AGBL4: variants seen among roughly 807,000 people sequenced by gnomAD.
AGBL4 encodes the protein cytosolic carboxypeptidase 6.
In AGBL4, 58 loss-of-function variants were observed where a neutral mutation model predicts 66.4. That is an observed-to-expected ratio of 0.87 (90% CI 0.71 to 1.09). The LOEUF (loss-of-function observed/expected upper bound fraction) is 1.09. AGBL4 is among the 50% of genes least tolerant of loss of function. The pLI is 0.00. For missense variants in AGBL4, 579 were observed against 631.0 expected, an observed-to-expected ratio of 0.92 and a Z score of 0.88; for synonymous variants, 234 against 222.9, an observed-to-expected ratio of 1.05 and a Z score of -0.44.
chr1:49,865,932 A>G (rs1402727358), intron 1 of AGBL4: 1 of 409,596 alleles, frequency 2.4e-6, no homozygotes, highest in Non-Finnish European at 5.0e-6. Flanking sequence ...GAAGGAGCTG[A>G]AAAACACAAC....
chr1:48,891,598 C>CT (rs2148856571), intron 5 of AGBL4, among the ~76,000 whole-genome samples: 1 of 152,330 alleles, frequency 6.6e-6, no homozygotes, highest in Admixed American at 6.5e-5. Flanking sequence ...GCTCTACTGC[C>CT]TTTTGTCTTC....
chr1:48,870,254 T>C (rs934007736), intron 5 of AGBL4, among the ~76,000 whole-genome samples: 1 of 151,988 alleles, frequency 6.6e-6, no homozygotes. Context: ...AGAAAGACAA[T>C]GAAGACAGTA....
At chr1:49,809,109 C>A (rs992341480) in intron 2 of AGBL4, among the ~76,000 whole-genome samples, 2 of 151,994 alleles carry the variant, frequency 1.3e-5, no homozygotes, top group Non-Finnish European at 2.9e-5. Context: ...TTATTGCAAT[C>A]GGTTTTCAAC....
intron 3 of AGBL4, among the ~76,000 whole-genome samples, chr1:49,247,342 G>A (rs900664695): frequency 6.6e-6 from 1 of 152,048 alleles, no homozygotes; most frequent in Non-Finnish European, 1.5e-5. Context: ...GGGATAACTT[G>A]TGTTTTCCTT....
intron 11 of AGBL4, among the ~76,000 whole-genome samples, chr1:48,573,074 G>A (rs924269082): frequency 6.6e-6 from 1 of 152,146 alleles, no homozygotes; most frequent in Non-Finnish European, 1.5e-5. Context: ...CCGGCCCAGC[G>A]CCTCCTCTAG....
chr1:49,717,904 G>T (rs781340010), intron 2 of AGBL4, among the ~76,000 whole-genome samples: 10 of 152,166 alleles, frequency 6.6e-5, no homozygotes, highest in Middle Eastern at 3.4e-3. Flanking sequence ...CAGGGAACCA[G>T]AATACAAATG....
chr1:49,981,953 T>A (rs1220302281), intron 1 of AGBL4, among the ~76,000 whole-genome samples: 2 of 152,250 alleles, frequency 1.3e-5, no homozygotes, highest in Non-Finnish European at 2.9e-5. Flanking sequence ...AACATGAAAC[T>A]CATTGGATTT....
intron 6 of AGBL4, among the ~76,000 whole-genome samples, chr1:48,675,265 C>G (rs1450877967): frequency 6.6e-6 from 1 of 152,186 alleles, no homozygotes; most frequent in Non-Finnish European, 1.5e-5. Context: ...AGCCCAATCT[C>G]TTCCCTCTCT....
rs150443536 is a variant in AGBL4 at position 49,133,076 on chromosome 1, A to C, written c.378-87276T>G. On this transcript the variant is annotated intron_variant, in intron 4 of 13. Coordinates refer to ENST00000371839, the MANE Select transcript of AGBL4 (RefSeq NM_032785.4). The stretch of plus-strand genomic sequence containing the variant: ...ATGCAGCCATAAAAAGAAAGAGTTC[A>C]TGTCCTTTGCAGGGACATGGATGAA... Among the ~76,000 whole-genome samples the C allele has an allele frequency of 4.1e-3, 619 of 152,348 alleles. 2 individuals are homozygous for C. Among genetic ancestry groups the C allele is most frequent in the Non-Finnish European group, 6.6e-3 (450 of 68,034 alleles).
At chr1:49,761,647 A>C (rs1265081242) in intron 2 of AGBL4, among the ~76,000 whole-genome samples, 8 of 152,254 alleles carry the variant, frequency 5.3e-5, no homozygotes, top group Non-Finnish European at 8.8e-5. Context: ...TAATGTTCAA[A>C]TCGGGGTTAT....
At chr1:49,197,265 TCATGCTCGTGGTTTAC>T (rs1647307423) in intron 4 of AGBL4, among the ~76,000 whole-genome samples, 1 of 152,228 alleles carries the variant, frequency 6.6e-6, no homozygotes, top group Admixed American at 6.5e-5. Flanking sequence ...GAGTGTTGTA[TCATGCTCGTGGTTTAC>T]CATGAGCAGG....
intron 4 of AGBL4, among the ~76,000 whole-genome samples, chr1:49,127,309 A>G (rs1645785430): frequency 6.6e-6 from 1 of 152,152 alleles, no homozygotes; most frequent in African/African-American, 2.4e-5. Flanking sequence ...CGAGTGAAGG[A>G]TAAAATACTA....
At chr1:49,494,472 T>C (rs1647349918) in intron 3 of AGBL4, among the ~76,000 whole-genome samples, 1 of 151,954 alleles carries the variant, frequency 6.6e-6, no homozygotes, top group Admixed American at 6.6e-5. Flanking sequence ...CCCCTTCCTA[T>C]GTCCATGTGT....
intron 3 of AGBL4, among the ~76,000 whole-genome samples, chr1:49,616,444 A>G (rs1033499657): frequency 6.6e-6 from 1 of 151,838 alleles, no homozygotes; most frequent in African/African-American, 2.4e-5. Context: ...GGATTCTTTG[A>G]TCTCTAAATA....
At chr1:48,703,880 A>G (rs1296798210) in intron 6 of AGBL4, among the ~76,000 whole-genome samples, 2 of 152,254 alleles carry the variant, frequency 1.3e-5, no homozygotes. Context: ...TAATTAGAGA[A>G]ATATAGATAC....
chr1:48,555,826 T>A (rs1174979567), intron 11 of AGBL4, among the ~76,000 whole-genome samples: 1 of 152,110 alleles, frequency 6.6e-6, no homozygotes, highest in Non-Finnish European at 1.5e-5. Context: ...TAGAAATATT[T>A]GTCTAGTAAG....
intron 3 of AGBL4, among the ~76,000 whole-genome samples, chr1:49,431,698 A>T (rs751766209): frequency 1.7e-4 from 26 of 152,182 alleles, no homozygotes; most frequent in Non-Finnish European, 3.5e-4. Flanking sequence ...ATTTCAACAT[A>T]AACATTCCGT....
chr1:49,548,400 T>C (rs1000135974), intron 3 of AGBL4, among the ~76,000 whole-genome samples: 3 of 152,194 alleles, frequency 2.0e-5, no homozygotes, highest in Non-Finnish European at 2.9e-5. Flanking sequence ...GCTTATTATG[T>C]TGGCTGTGGG....
At chr1:48,797,783 G>A (rs529376523) in intron 6 of AGBL4, among the ~76,000 whole-genome samples, 142 of 152,262 alleles carry the variant, frequency 9.3e-4, no homozygotes, top group Middle Eastern at 6.8e-3. Flanking sequence ...TTGACCTCAA[G>A]TGATATGCCC....
Sources: gnomAD v4.1 joint callset for allele counts (sites outside exome capture counted in the v4.1 genomes callset) on GRCh38, gnomAD v4.1.1 for gene constraint, MANE v1.5 for transcripts, NCBI Gene and HGNC (gene_info 2026-07-23, HGNC 2026-07-21) for gene names.